SLC3A1: variants seen among roughly 807,000 people sequenced by gnomAD.
SLC3A1 encodes the protein amino acid transporter heavy chain SLC3A1.
In SLC3A1, 78 loss-of-function variants were observed where a neutral mutation model predicts 60.3. The observed-to-expected ratio is 1.29, with a 90% CI of 1.08 to 1.56. The LOEUF (loss-of-function observed/expected upper bound fraction) is 1.56, where lower values mean the gene tolerates loss of function less well. SLC3A1 is among the 40% of genes most tolerant of loss of function. SLC3A1 has a pLI of 0.00. For synonymous variants in SLC3A1, 392 were observed against 307.9 expected (o/e 1.27, Z -2.86); for missense variants, 1,172 against 858.9 (o/e 1.36, Z -4.56).
chr2:44,286,678 G>A (rs1397310043), intron 4 of SLC3A1, among the ~76,000 whole-genome samples: 1 of 150,304 alleles, frequency 6.7e-6, no homozygotes, highest in Non-Finnish European at 1.5e-5. Flanking sequence ...GTCTGTGACG[G>A]TGAGCTGTGC....
intron 7 of SLC3A1, among the ~76,000 whole-genome samples, chr2:44,308,266 G>C (rs1247381435): frequency 1.3e-5 from 2 of 152,196 alleles, no homozygotes; most frequent in Non-Finnish European, 2.9e-5. Context: ...AGTAAGTTTT[G>C]ACATAGAGAA....
chr2:44,298,219 T>G (rs983946219), intron 4 of SLC3A1, among the ~76,000 whole-genome samples: 3 of 152,208 alleles, frequency 2.0e-5, no homozygotes, highest in Non-Finnish European at 4.4e-5. Flanking sequence ...CACAGCCTTT[T>G]CTGATTAAAA....
chr2:44,281,546 G>A lies in SLC3A1; in HGVS notation c.765+5G>A. ...ACCATTCCACCCAACAACTGGGTAA[G>A]TATCAACCTGTCTGACTTACAAAGG... On this transcript the variant is annotated splice_donor_5th_base_variant and intron_variant, in intron 3 of 9. Transcript: ENST00000260649. The A allele has an allele frequency of 6.2e-7, 1 of 1,613,810 alleles. No individual in the cohort carries two copies. The highest frequency in any genetic ancestry group is 1.7e-5 in the Admixed American group (1 of 60,012).
At chr2:44,312,894 T>C in intron 8 of SLC3A1, 141 bp downstream of exon 8, 1 of 698,814 alleles carries the variant, frequency 1.4e-6, no homozygotes. Flanking sequence ...TTCTTACTGT[T>C]AGTAAGAATT....
At chr2:44,316,789 T>C (rs1672476492) in intron 9 of SLC3A1, among the ~76,000 whole-genome samples, 1 of 152,176 alleles carries the variant, frequency 6.6e-6, no homozygotes, top group African/African-American at 2.4e-5. Flanking sequence ...TCTGTATCCA[T>C]TCAAAGAGCA....
intron 7 of SLC3A1, among the ~76,000 whole-genome samples, chr2:44,312,329 T>C (rs943512869): frequency 1.2e-4 from 19 of 152,208 alleles, no homozygotes; most frequent in Admixed American, 3.3e-4. Context: ...AAAATATGAC[T>C]ATGTACCCTC....
chr2:44,300,749 A>T (rs1671983002), intron 5 of SLC3A1, among the ~76,000 whole-genome samples: 1 of 152,188 alleles, frequency 6.6e-6, no homozygotes, highest in South Asian at 2.1e-4. Context: ...AGAACTTTGT[A>T]ATCAGTGTTT....
intron 7 of SLC3A1, among the ~76,000 whole-genome samples, chr2:44,311,736 A>AAC (rs199633748): frequency 6.6e-6 from 1 of 150,828 alleles, no homozygotes; most frequent in Non-Finnish European, 1.5e-5. Flanking sequence ...AAAAAAAAAA[A>AAC]CCCAACCTCC....
At chr2:44,318,296 TG>T (rs1242131648) in intron 9 of SLC3A1, 1 of 262,366 alleles carries the variant, frequency 3.8e-6, no homozygotes, top group East Asian at 1.4e-4. Context: ...TTCACCATGT[TG>T]GCCAGGCTGG....
intron 7 of SLC3A1, among the ~76,000 whole-genome samples, chr2:44,304,813 ATTTT>A (rs70965349): frequency 0.014 from 1,166 of 85,832 alleles, 12 homozygotes; most frequent in African/African-American, 0.051. Context: ...CTTGAAAACA[ATTTT>A]TTTTTTTTTT....
At position 44,281,423 on chromosome 2, in the gene SLC3A1, C is replaced by G. The variant is rs369641941; in HGVS notation, c.647C>G (p.Thr216Arg). The G allele has an allele frequency of 6.2e-7, 1 of 1,612,826 alleles. No homozygotes were observed. Among genetic ancestry groups the G allele is most frequent in the Non-Finnish European group, 8.5e-7 (1 of 1,178,970 alleles). Reference sequence around the variant, plus strand: ...ATCATCGATTTCATACCAAACCACACGAGTGATAAACATATTTGGTTTCAA... The same window carrying G: ...ATCATCGATTTCATACCAAACCACAGGAGTGATAAACATATTTGGTTTCAA... ...KLIIDFIPNH[T>R]SDKHIWFQLS... The change falls in exon 3 of 10, where the codon ACG (threonine) becomes AGG (arginine). Residue 216 changes from threonine to arginine, a missense_variant. Transcript: ENST00000260649.
At chr2:44,316,619 C>G (rs1181156379) in intron 9 of SLC3A1, among the ~76,000 whole-genome samples, 2 of 152,146 alleles carry the variant, frequency 1.3e-5, no homozygotes, top group Non-Finnish European at 1.5e-5. Context: ...TCTTTCAGAA[C>G]AGGTAGGATA....
At chr2:44,319,510 TTATA>T (rs1442524728) in intron 9 of SLC3A1, 31 of 152,276 alleles carry the variant, frequency 2.0e-4, no homozygotes. Context: ...GGAGGCTATA[TTATA>T]TAGTCAATAA....
intron 4 of SLC3A1, among the ~76,000 whole-genome samples, chr2:44,290,778 C>A (rs1671725046): frequency 6.6e-6 from 1 of 151,406 alleles, no homozygotes; most frequent in Non-Finnish European, 1.5e-5. Flanking sequence ...AGTGAGGGCA[C>A]CTTGCCTCCA....
intron 5 of SLC3A1, among the ~76,000 whole-genome samples, 173 bp downstream of exon 5, chr2:44,300,263 G>C (rs80065009): frequency 1.6e-3 from 244 of 152,248 alleles, no homozygotes; most frequent in African/African-American, 5.6e-3. Context: ...ATATGCACTC[G>C]ATGTTTTTTT....
chr2:44,285,954 G>A, intron 3 of SLC3A1, 78 bp from the exon 4 acceptor site: 2 of 1,550,620 alleles, frequency 1.3e-6, no homozygotes, highest in Non-Finnish European at 8.9e-7. Flanking sequence ...GCCTGCAAAG[G>A]ATCAGGGAGG....
intron 9 of SLC3A1, chr2:44,318,377 C>T (rs1572824952): frequency 5.5e-6 from 1 of 183,102 alleles, no homozygotes; most frequent in African/African-American, 2.4e-5. Context: ...GGGCCTGAGC[C>T]ACCTTGCCTG....
At chr2:44,299,751 T>A (rs555180524) in intron 4 of SLC3A1, among the ~76,000 whole-genome samples, 1 of 152,344 alleles carries the variant, frequency 6.6e-6, no homozygotes, top group South Asian at 2.1e-4. Flanking sequence ...TAATTCTGAA[T>A]TCACATATGA....
At chr2:44,299,013 G>T (rs1206505599) in intron 4 of SLC3A1, among the ~76,000 whole-genome samples, 2 of 149,264 alleles carry the variant, frequency 1.3e-5, no homozygotes, top group African/African-American at 4.9e-5. Flanking sequence ...ATTAAAGCCA[G>T]TGGAATAATG....
Sources: allele counts gnomAD v4.1 joint callset (sites outside exome capture counted in the v4.1 genomes callset), GRCh38; gene constraint gnomAD v4.1.1; transcripts MANE v1.5; gene names NCBI Gene and HGNC (gene_info 2026-07-23, HGNC 2026-07-21).